The following FBXL5 variants were observed in gnomAD, a reference collection of about 807,000 sequenced individuals.
FBXL5 encodes the protein F-box/LRR-repeat protein 5.
Under a neutral mutation model 78.3 loss-of-function variants are expected in FBXL5, and 26 were observed. The ratio of observed to expected loss-of-function variants is 0.33; its 90% CI spans 0.24 to 0.46. FBXL5 has a LOEUF of 0.46. Ranked by LOEUF, FBXL5 falls within the 20% of genes least tolerant of loss-of-function variation. FBXL5 has a pLI of 1.00. For missense variants in FBXL5, 710 were observed against 829.2 expected (o/e 0.86, Z 1.77); for synonymous variants, 295 against 282.5 (o/e 1.04, Z -0.45).
chr4:15,613,216 A>C (rs544969101), intron 9 of FBXL5, among the ~76,000 whole-genome samples: 1 of 152,178 alleles, frequency 6.6e-6, no homozygotes, highest in African/African-American at 2.4e-5. Context: ...GTGACTGCTA[A>C]TAAGTATGGG....
Position 15,605,665 on chromosome 4 carries a change from G to T in FBXL5, c.*58C>A. 1 of 1,434,166 alleles carries T rather than the reference G, an allele frequency of 7.0e-7. No individual in the cohort carries two copies. Among genetic ancestry groups the T allele is most frequent in the Non-Finnish European group, 9.8e-7 (1 of 1,020,404 alleles). 88.8% of individuals were successfully genotyped at this position (1,434,166 alleles called of 1,614,324 possible). ...ACACAAGAAATGTGCTATGAGTAAA[G>T]TGCATGAAAGAAAGCCTGCTCAGCT... On this transcript the variant is annotated 3_prime_UTR_variant, in exon 11 of 11. Transcript: ENST00000341285.
At chr4:15,617,118 T>TATA (rs1189589660) in intron 9 of FBXL5, among the ~76,000 whole-genome samples, 1 of 152,238 alleles carries the variant, frequency 6.6e-6, no homozygotes, top group African/African-American at 2.4e-5. Flanking sequence ...TTACTAGGTA[T>TATA]ATAACCAAAG....
rs1052125958 is a variant in FBXL5, at chr4:15,655,351, G to A, written c.-64C>T. ...CCGCCTCTCCATAGACACCCTCGCC[G>A]CGGGGCAGAGGCGGCGCGCCCCCTT... is the stretch of plus-strand genomic sequence containing the variant. On this transcript the variant is annotated 5_prime_UTR_variant, in exon 1 of 11. Transcript: ENST00000341285. The A allele has an allele frequency of 1.7e-5, 21 of 1,245,262 alleles. No homozygotes were observed. The highest frequency in any genetic ancestry group is 2.0e-5 in the Non-Finnish European group (19 of 965,384). 77.1% of individuals were successfully genotyped at this position (1,245,262 alleles called of 1,614,324 possible).
intron 5 of FBXL5, among the ~76,000 whole-genome samples, chr4:15,631,172 G>T (rs1230048556): frequency 1.3e-5 from 2 of 152,088 alleles, no homozygotes; most frequent in Non-Finnish European, 2.9e-5. Context: ...GCGGTATTTG[G>T]TTTTCTGTCC....
intron 10 of FBXL5, among the ~76,000 whole-genome samples, chr4:15,606,930 T>TA (rs1412664164): frequency 6.6e-6 from 1 of 152,220 alleles, no homozygotes; most frequent in African/African-American, 2.4e-5. Context: ...AGTAAGCTAA[T>TA]ACTACCATAA....
At chr4:15,654,161 T>C (rs1348086624) in intron 1 of FBXL5, among the ~76,000 whole-genome samples, 2 of 152,224 alleles carry the variant, frequency 1.3e-5, no homozygotes, top group Non-Finnish European at 2.9e-5. Flanking sequence ...CTCTTTTCTG[T>C]AGACAATGGT....
Position 15,649,656 on chromosome 4 carries a change from T to C in FBXL5, c.85-4948A>G, listed in dbSNP as rs76510202. On this transcript the variant is annotated intron_variant, in intron 1 of 10. Transcript: ENST00000341285. ...ATTTAACTTTTTTGAAATCTGTTTA[T>C]ATAAATAGTTTTTAAAATTGTTTGC... 3.3e-3 allele frequency among the ~76,000 whole-genome samples: 506 copies of C among 151,812 alleles called. 7 individuals are homozygous for C. The highest frequency in any genetic ancestry group is 0.012 in the African/African-American group (486 of 41,440).
At chr4:15,655,393 C>G (rs1444262018), upstream of FBXL5, 4 of 1,038,092 alleles carry the variant, frequency 3.9e-6, no homozygotes, top group Non-Finnish European at 4.7e-6. Context: ...GCGCCCGCCC[C>G]GTCGGCGCGC....
At chr4:15,649,614 T>C (rs954615649) in intron 1 of FBXL5, among the ~76,000 whole-genome samples, 1 of 147,686 alleles carries the variant, frequency 6.8e-6, no homozygotes, top group African/African-American at 2.5e-5. Context: ...AAGAAAAGAA[T>C]AAACAGAATA....
chr4:15,666,357 G>A lies in FBXL5; in HGVS notation c.-283-6435C>T, dbSNP rs138653428. On this transcript the variant is annotated intron_variant, in intron 1 of 4. Coordinates refer to the FBXL5 transcript ENST00000507899. ...CCAGCCTGCAATGAGCCATGATGGCGCCACTGCACTCCAGCCAGGGAGACA... is the reference window on the plus strand; with the variant it reads ...CCAGCCTGCAATGAGCCATGATGGCACCACTGCACTCCAGCCAGGGAGACA... 3.0e-3 allele frequency among the ~76,000 whole-genome samples: 459 copies of A among 152,140 alleles called. 5 individuals carry two copies. Among genetic ancestry groups the A allele is most frequent in the African/African-American group, 0.01 (427 of 41,492 alleles).
chr4:15,656,150 A>G (rs890691809), upstream of FBXL5: 1 of 455,794 alleles, frequency 2.2e-6, no homozygotes, highest in Non-Finnish European at 4.4e-6. Context: ...TGAATAATGG[A>G]AGGTTGGTGC....
chr4:15,649,504 C>T (rs113002587), intron 1 of FBXL5, among the ~76,000 whole-genome samples: 1,575 of 147,208 alleles, frequency 0.011, 14 homozygotes, highest in Middle Eastern at 0.033. Flanking sequence ...TGCTTGAACC[C>T]GGGAGGCAGA....
intron 1 of FBXL5, among the ~76,000 whole-genome samples, chr4:15,679,063 ATTTTTTT>A (rs60866290): frequency 8.4e-6 from 1 of 118,756 alleles, no homozygotes; most frequent in Non-Finnish European, 1.7e-5. Context: ...TAAAATCTCT[ATTTTTTT>A]TTTTTTTTTT....
chr4:15,625,454 A>G lies in FBXL5; in HGVS notation c.1648T>C (p.Phe550Leu), dbSNP rs1287735597. Reference sequence around the variant, plus strand: ...CTTAAAGCTGTTCCTGTACAACAAAATGAGTGACCACAATACGCAAAGGCT... The same window carrying G: ...CTTAAAGCTGTTCCTGTACAACAAAGTGAGTGACCACAATACGCAAAGGCT... ...SPAFAYCGHS[F>L]CCTGTALRTM... The change falls in exon 9 of 11, where the codon TTT becomes CTT. Residue 550 changes from phenylalanine to leucine, a missense_variant. Coordinates refer to ENST00000341285, the MANE Select transcript of FBXL5 (RefSeq NM_012161.4). The G allele has an allele frequency of 6.2e-7, 1 of 1,613,918 alleles. No individual in the cohort carries two copies. Among genetic ancestry groups the G allele is most frequent in the Non-Finnish European group, 8.5e-7 (1 of 1,179,968 alleles).
intron 1 of FBXL5, among the ~76,000 whole-genome samples, chr4:15,649,358 T>A (rs1715683652): frequency 6.6e-6 from 1 of 151,906 alleles, no homozygotes; most frequent in Non-Finnish European, 1.5e-5. Context: ...GGCAGGCGGA[T>A]CACAAGGTTA....
chr4:15,625,324 T>C lies in FBXL5; in HGVS notation c.1778A>G (p.Asp593Gly). The C allele has an allele frequency of 6.2e-7, 1 of 1,614,208 alleles. No individual in the cohort carries two copies. Among genetic ancestry groups the C allele is most frequent in the South Asian group, 1.1e-5 (1 of 91,078 alleles). ...DLIYFGSEKS[D>G]QETGRVLLFL... ...CAGAAGTACACGTCCAGTCTCTTGA[T>C]CAGATTTTTCACTCCCAAAGTAAAT... The change falls in exon 9 of 11, where the codon GAT becomes GGT. Residue 593 changes from aspartate to glycine, a missense_variant. Coordinates refer to ENST00000341285, the MANE Select transcript of FBXL5 (RefSeq NM_012161.4).
rs114257994 is a variant in FBXL5, at chr4:15,648,200, A to G, written c.85-3492T>C. 2.6e-3 allele frequency among the ~76,000 whole-genome samples: 398 copies of G among 152,264 alleles called. 1 individual carries two copies. The highest frequency in any genetic ancestry group is 9.2e-3 in the African/African-American group (383 of 41,544). On this transcript the variant is annotated intron_variant, in intron 1 of 10. Coordinates refer to ENST00000341285, the MANE Select transcript of FBXL5 (RefSeq NM_012161.4). ...AGTTAATATAAAGAACACAGAATATAAGCCCTACCTAGGCATCTGTAAGGC... is the reference window on the plus strand; with the variant it reads ...AGTTAATATAAAGAACACAGAATATGAGCCCTACCTAGGCATCTGTAAGGC...
intron 1 of FBXL5, among the ~76,000 whole-genome samples, chr4:15,674,501 G>A (rs988232640): frequency 5.3e-5 from 8 of 151,880 alleles, no homozygotes; most frequent in South Asian, 2.1e-4. Flanking sequence ...TCCATTTTAC[G>A]TTTATATATT....
intron 9 of FBXL5, among the ~76,000 whole-genome samples, chr4:15,621,041 G>C (rs541050421): frequency 2.6e-5 from 4 of 152,286 alleles, no homozygotes; most frequent in Non-Finnish European, 5.9e-5. Context: ...AAGGCTGTGA[G>C]ACCCCTGATT....
Sources: gnomAD v4.1 joint callset for allele counts (sites outside exome capture counted in the v4.1 genomes callset) on GRCh38, gnomAD v4.1.1 for gene constraint, MANE v1.5 for transcripts, NCBI Gene and HGNC (gene_info 2026-07-23, HGNC 2026-07-21) for gene names.